Variants in PLXNA4 observed in about 807,000 individuals in gnomAD.
PLXNA4 encodes plexin A4.
In PLXNA4, 44 loss-of-function variants were observed where a neutral mutation model predicts 191.8. That is an observed-to-expected ratio of 0.23 (90% CI 0.18 to 0.29). The LOEUF is 0.29. Ranked by LOEUF, PLXNA4 falls within the 10% of genes least tolerant of loss-of-function variation. The pLI, the probability that PLXNA4 is intolerant of heterozygous loss-of-function variation, is 1.00. For missense variants in PLXNA4, 1,800 were observed against 2,488.8 expected, an observed-to-expected ratio of 0.72 and a Z score of 5.89; for synonymous variants, 1,082 against 1,009.5, an observed-to-expected ratio of 1.07 and a Z score of -1.36.
At chr7:132,286,203 C>T (rs1186364199) in intron 4 of PLXNA4, among the ~76,000 whole-genome samples, 1 of 152,180 alleles carries the variant, frequency 6.6e-6, no homozygotes, top group Non-Finnish European at 1.5e-5. Context: ...GGCCTTCCCT[C>T]GGCCCTTCTC....
rs116244364 is a variant in PLXNA4, at chr7:132,261,392, C to T, written c.1504-20226G>A. Reference sequence around the variant, plus strand: ...TTTTCCTGCAGGGACTGAACAAGGGCAGTGTGTGCACATGTGGGAGTGCCA... The same window carrying T: ...TTTTCCTGCAGGGACTGAACAAGGGTAGTGTGTGCACATGTGGGAGTGCCA... On this transcript the variant is annotated intron_variant, in intron 4 of 31. Transcript: ENST00000321063. Among the ~76,000 whole-genome samples the T allele has an allele frequency of 4.7e-3, 715 of 152,354 alleles. 5 individuals carry two copies. Among genetic ancestry groups the T allele is most frequent in the African/African-American group, 0.016 (686 of 41,586 alleles).
chr7:132,504,289 G>T (rs970245107), intron 2 of PLXNA4, among the ~76,000 whole-genome samples: 1 of 152,244 alleles, frequency 6.6e-6, no homozygotes, highest in Non-Finnish European at 1.5e-5. Context: ...GGCACAAGGG[G>T]CCTTGTAGTA....
chr7:132,254,944 A>T (rs73723760), intron 4 of PLXNA4, among the ~76,000 whole-genome samples: 2,390 of 151,906 alleles, frequency 0.016, 33 homozygotes, highest in African/African-American at 0.035. Context: ...TGGGGTGGAG[A>T]TGGGGTAGGA....
intron 3 of PLXNA4, among the ~76,000 whole-genome samples, chr7:132,444,710 G>T (rs1282238132): frequency 6.6e-6 from 1 of 152,142 alleles, no homozygotes; most frequent in Non-Finnish European, 1.5e-5. Flanking sequence ...TTTGTGTGAA[G>T]CTGTGCCAAC....
rs557219145 is a variant in PLXNA4, at chr7:132,151,975, A to G, written c.4661-3329T>C. On this transcript the variant is annotated intron_variant, in intron 25 of 31. Coordinates refer to ENST00000321063, the MANE Select transcript of PLXNA4 (RefSeq NM_020911.2). ...GGCCAGAACCCACTTTCACTTCCAT[A>G]CTTACCTGCCCTCCTTCCTTTCCTG... is the stretch of plus-strand genomic sequence containing the variant. Among the ~76,000 whole-genome samples the G allele has an allele frequency of 2.0e-5, 3 of 152,190 alleles. No individual in the cohort carries two copies. The South Asian group carries it at 6.2e-4, about 32-fold the overall frequency.
At chr7:132,234,146 G>A (rs1360269336) in intron 5 of PLXNA4, among the ~76,000 whole-genome samples, 3 of 152,140 alleles carry the variant, frequency 2.0e-5, no homozygotes, top group Non-Finnish European at 2.9e-5. Context: ...CAAAGGCATC[G>A]CCACAGGTGA....
chr7:132,307,518 C>T (rs1463158784), intron 3 of PLXNA4, among the ~76,000 whole-genome samples: 1 of 152,090 alleles, frequency 6.6e-6, no homozygotes, highest in Non-Finnish European at 1.5e-5. Context: ...CTTCGTGTTT[C>T]TTCATCCTCA....
At chr7:132,544,373 T>G (rs545812493) in intron 1 of PLXNA4, among the ~76,000 whole-genome samples, 33 of 152,288 alleles carry the variant, frequency 2.2e-4, no homozygotes, top group African/African-American at 7.7e-4. Context: ...ACCCATTTTG[T>G]GATATTAGAG....
intron 4 of PLXNA4, among the ~76,000 whole-genome samples, chr7:132,291,088 G>A (rs1800870256): frequency 1.3e-5 from 2 of 152,122 alleles, no homozygotes; most frequent in Non-Finnish European, 1.5e-5. Context: ...TCTGTCTTCA[G>A]CTGTCTCACT....
Position 132,511,665 on chromosome 7 carries a change from G to A in PLXNA4, c.-86-2886C>T, listed in dbSNP as rs980080179. 8.5e-5 allele frequency among the ~76,000 whole-genome samples: 13 copies of A among 152,252 alleles called. No homozygotes were observed. The South Asian group carries it at 1.5e-3, about 17-fold the overall frequency. ...TGCTTAGGAAATGATAGTTGCTGTC[G>A]TTGTTATCGTTAGCAAGATTAAAAT... On this transcript the variant is annotated intron_variant, in intron 1 of 31. Coordinates refer to ENST00000321063, the MANE Select transcript of PLXNA4 (RefSeq NM_020911.2).
intron 3 of PLXNA4, among the ~76,000 whole-genome samples, chr7:132,329,956 C>A (rs1802525813): frequency 6.6e-6 from 1 of 152,142 alleles, no homozygotes; most frequent in Non-Finnish European, 1.5e-5. Context: ...TCCTGAGCAC[C>A]ACGTACCCTG....
intron 24 of PLXNA4, among the ~76,000 whole-genome samples, chr7:132,162,026 T>G (rs934483411): frequency 9.9e-5 from 15 of 152,262 alleles, no homozygotes; most frequent in African/African-American, 3.6e-4. Context: ...AGTGGTACAC[T>G]CGCTTTCTCC....
At chr7:132,194,889 A>AGT (rs1797204887) in intron 13 of PLXNA4, among the ~76,000 whole-genome samples, 1 of 152,132 alleles carries the variant, frequency 6.6e-6, no homozygotes, top group South Asian at 2.1e-4. Flanking sequence ...TTAAAAGTTA[A>AGT]GTGTGTGTAT....
At chr7:132,558,834 T>C (rs1800910061) in intron 1 of PLXNA4, among the ~76,000 whole-genome samples, 2 of 152,170 alleles carry the variant, frequency 1.3e-5, no homozygotes, top group East Asian at 1.9e-4. Context: ...GGTCAGTAAG[T>C]AGTCTCTAAA....
chr7:132,165,331 C>A, intron 22 of PLXNA4, 131 bp from the exon 23 acceptor site: 4 of 1,334,918 alleles, frequency 3.0e-6, no homozygotes, highest in Non-Finnish European at 3.9e-6. Context: ...TAGGCCAAAC[C>A]TTGCGATCCT....
chr7:132,298,461 C>T (rs1019525300), intron 3 of PLXNA4, among the ~76,000 whole-genome samples: 17 of 152,242 alleles, frequency 1.1e-4, no homozygotes, highest in African/African-American at 3.9e-4. Context: ...GTCTTAATCT[C>T]CCTGGTTCCC....
intron 16 of PLXNA4, among the ~76,000 whole-genome samples, chr7:132,183,807 T>A (rs77661325): frequency 0.018 from 2,781 of 152,296 alleles, 80 homozygotes; most frequent in African/African-American, 0.064. Context: ...ATCTCATCTC[T>A]GCAGGCAAAG....
In PLXNA4 at chr7:132,181,395, G is replaced by T; in HGVS notation, c.3478C>A (p.Pro1160Thr). The change falls in exon 18 of 32, where the codon CCC becomes ACC. Residue 1160 changes from proline to threonine, a missense_variant. Pro to Thr is a conservative substitution (Grantham distance 38, BLOSUM62 -1). This residue lies in a region of PLXNA4 where 1,397 missense variants were observed against 1,880.4 expected (regional missense o/e 0.74). Transcript: ENST00000321063. ...SGILELKPGT[P>T]IILKGKNLIP... ...CCTCACTCCACCTTTAGGATGATGG[G>T]CGTGCCAGGCTTGAGCTCCAGGATT... is the stretch of plus-strand genomic sequence containing the variant. 1.2e-6 allele frequency: 2 copies of T among 1,614,004 alleles called. No homozygotes were observed. Among genetic ancestry groups the T allele is most frequent in the Non-Finnish European group, 1.7e-6 (2 of 1,179,964 alleles).
chr7:132,598,925 T>A (rs1230001358), intron 2 of PLXNA4, among the ~76,000 whole-genome samples: 1 of 152,234 alleles, frequency 6.6e-6, no homozygotes, highest in East Asian at 1.9e-4. Flanking sequence ...AGGCCTTTAA[T>A]CCGTCTCTAG....
Sources: allele counts gnomAD v4.1 joint callset (sites outside exome capture counted in the v4.1 genomes callset), GRCh38; gene constraint gnomAD v4.1.1; regional missense constraint gnomAD v4.1.1; transcripts MANE v1.5; gene names NCBI Gene and HGNC (gene_info 2026-07-23, HGNC 2026-07-21).